SYTL2: variants seen among roughly 807,000 people sequenced by gnomAD.
SYTL2 encodes synaptotagmin like 2.
A neutral mutation model predicts 198.7 loss-of-function variants in SYTL2; 165 were observed. The observed-to-expected ratio is 0.83, with a 90% CI of 0.73 to 0.94. SYTL2 has a LOEUF of 0.94. SYTL2 is among the 40% of genes least tolerant of loss of function. The pLI, the probability that SYTL2 is intolerant of heterozygous loss-of-function variation, is 0.00. For synonymous variants in SYTL2, 966 were observed against 917.7 expected, an observed-to-expected ratio of 1.05 and a Z score of -0.95; for missense variants, 2,835 against 2,582.8, an observed-to-expected ratio of 1.10 and a Z score of -2.12.
the SYTL2 span, among the ~76,000 whole-genome samples, chr11:85,838,714 A>G: frequency 2.0e-5 from 3 of 152,164 alleles, no homozygotes; most frequent in South Asian, 2.1e-4. Flanking sequence ...TGACCCAAAC[A>G]CCTCCCACCA....
the SYTL2 span, among the ~76,000 whole-genome samples, chr11:85,832,833 A>C: frequency 1.8e-3 from 267 of 151,314 alleles, 1 homozygote; most frequent in Non-Finnish European, 2.8e-3. Context: ...ATCTACAAAA[A>C]AAAAAAATTT....
At position 85,734,336 on chromosome 11, in the gene SYTL2, C is replaced by G. The variant is rs557709961; in HGVS notation, c.993G>C (p.Lys331Asn). The G allele has an allele frequency of 5.6e-6, 9 of 1,614,116 alleles. No individual in the cohort carries two copies. The Admixed American group carries it at 1.3e-4, about 24-fold the overall frequency. Residue 331 changes from lysine (K) to asparagine (N), a missense_variant, in exon 7 of 20, where the codon AAG becomes AAC. Coordinates refer to ENST00000359152, the MANE Select transcript of SYTL2 (RefSeq NM_206927.4). ...CCTTCACTGCAGAGAATCTCACATG[C>G]TTTAATGGCTCCAGGGAGTTTGGGG... ...NSSPNSLEPL[K>N]HVRFSAVKDE...
chr11:85,798,125 C>T (rs1038847103), intron 1 of SYTL2, among the ~76,000 whole-genome samples: 5 of 151,984 alleles, frequency 3.3e-5, no homozygotes, highest in African/African-American at 9.7e-5. Context: ...TCCCAAAGTG[C>T]TGGGATTACA....
intron 9 of SYTL2, chr11:85,719,443 C>T: frequency 2.3e-6 from 1 of 441,882 alleles, no homozygotes; most frequent in Non-Finnish European, 3.0e-6. Flanking sequence ...TAAAGCTGCA[C>T]CATGGAAATA....
intron 1 of SYTL2, among the ~76,000 whole-genome samples, chr11:85,760,651 T>A (rs545722836): frequency 9.2e-5 from 14 of 152,200 alleles, no homozygotes; most frequent in African/African-American, 3.1e-4. Flanking sequence ...CAAGGAGTGG[T>A]GGACAGGAAG....
rs759734859 is a variant in SYTL2 at position 85,726,463 on chromosome 11, T to C, written c.2895A>G (p.Lys965=). The part of the protein sequence containing the change: ...SNANFKVMSL[K]ERMDEPNAEQ... ...CTGCATTGGGTTCATCCATTCTTTC[T>C]TTTAGGGACATAACTTTAAAGTTGG... The change falls in exon 8 of 20, where the codon AAA becomes AAG. Residue 965 remains lysine, a synonymous_variant. Transcript: ENST00000359152. 7 of 1,612,590 alleles carry C rather than the reference T, an allele frequency of 4.3e-6. No homozygotes were observed. In the Admixed American group the frequency reaches 6.7e-5, roughly 15 times the overall value.
At chr11:85,695,852 TG>T (rs2083333794) in intron 19 of SYTL2, among the ~76,000 whole-genome samples, 1 of 152,196 alleles carries the variant, frequency 6.6e-6, no homozygotes, top group South Asian at 2.1e-4. Context: ...GCTCCAAAAA[TG>T]TTATTGTTAT....
chr11:85,822,805 C>T, the SYTL2 span, among the ~76,000 whole-genome samples: 1 of 152,222 alleles, frequency 6.6e-6, no homozygotes, highest in Non-Finnish European at 1.5e-5. Context: ...GACGGACAAG[C>T]TGACAGGGAG....
intron 13 of SYTL2, among the ~76,000 whole-genome samples, chr11:85,710,791 C>G (rs1026515929): frequency 6.6e-6 from 1 of 152,150 alleles, no homozygotes; most frequent in Admixed American, 6.5e-5. Flanking sequence ...ATATCTGATA[C>G]AAGCAGATTT....
chr11:85,820,767 A>C, the SYTL2 span, among the ~76,000 whole-genome samples: 2 of 152,362 alleles, frequency 1.3e-5, no homozygotes, highest in South Asian at 2.1e-4. Context: ...AAAACGTTCT[A>C]CATCTTCATT....
At chr11:85,823,451 C>A in the SYTL2 span, among the ~76,000 whole-genome samples, 3 of 152,192 alleles carry the variant, frequency 2.0e-5, no homozygotes, top group Non-Finnish European at 4.4e-5. Context: ...TTACAAATTT[C>A]TAAGGCAAGA....
chr11:85,733,803 G>T (rs1001145288), intron 7 of SYTL2, 136 bp downstream of exon 7: 3 of 682,850 alleles, frequency 4.4e-6, no homozygotes, highest in African/African-American at 1.8e-5. Flanking sequence ...GTTTCACCTT[G>T]TTAGCCAGGA....
intron 2 of SYTL2, among the ~76,000 whole-genome samples, chr11:85,752,947 A>AAAAAC (rs1565984412): frequency 7.0e-5 from 10 of 142,744 alleles, no homozygotes; most frequent in African/African-American, 2.8e-4. Flanking sequence ...AAAAAAAAAA[A>AAAAAC]AAAACACAAC....
chr11:85,695,313 C>A lies in SYTL2; in HGVS notation c.6602G>T (p.Trp2201Leu), dbSNP rs200192789. 6.3e-7 allele frequency: 1 copy of A among 1,576,560 alleles called. No individual in the cohort carries two copies. Among genetic ancestry groups the A allele is most frequent in the Non-Finnish European group, 8.6e-7 (1 of 1,160,978 alleles). Residue 2201 changes from tryptophan (W) to leucine (L), a missense_variant, in exon 20 of 20, where the codon TGG (tryptophan) becomes TTG (leucine). Coordinates refer to ENST00000359152, the MANE Select transcript of SYTL2 (RefSeq NM_206927.4). ...AACTTCCTCTGAAGTAGAGTCCATC[C>A]AGTCCACTTCAGTCCCATAACTTTT... ...TGKSYGTEVDWMDSTSEEVAL... is the reference protein window; with the variant it reads ...TGKSYGTEVDLMDSTSEEVAL...
the SYTL2 span, among the ~76,000 whole-genome samples, chr11:85,852,058 T>C: frequency 6.6e-6 from 1 of 152,198 alleles, no homozygotes; most frequent in Non-Finnish European, 1.5e-5. Flanking sequence ...TTTTTGTATA[T>C]TTTACTGATG....
At chr11:85,711,605 T>C (rs976737507) in intron 12 of SYTL2, among the ~76,000 whole-genome samples, 9 of 152,180 alleles carry the variant, frequency 5.9e-5, no homozygotes, top group Non-Finnish European at 1.2e-4. Flanking sequence ...ACCCAGATAA[T>C]AAAAAGATTT....
At chr11:85,842,077 G>C in the SYTL2 span, among the ~76,000 whole-genome samples, 6 of 152,206 alleles carry the variant, frequency 3.9e-5, no homozygotes, top group African/African-American at 1.4e-4. Flanking sequence ...GAAGCAGAGA[G>C]ACATGGTCTA....
At chr11:85,824,507 A>G in the SYTL2 span, among the ~76,000 whole-genome samples, 1 of 152,212 alleles carries the variant, frequency 6.6e-6, no homozygotes, top group Non-Finnish European at 1.5e-5. Flanking sequence ...TCCCACTAAA[A>G]GTCACACTGA....
At chr11:85,738,992 T>C (rs1024590399) in intron 4 of SYTL2, among the ~76,000 whole-genome samples, 1 of 152,200 alleles carries the variant, frequency 6.6e-6, no homozygotes, top group Non-Finnish European at 1.5e-5. Flanking sequence ...ATGTAGTCCC[T>C]ACCTCCTAGA....
Sources: gnomAD v4.1 joint callset for allele counts (sites outside exome capture counted in the v4.1 genomes callset) on GRCh38, gnomAD v4.1.1 for gene constraint, MANE v1.5 for transcripts, NCBI Gene and HGNC (gene_info 2026-07-23, HGNC 2026-07-21) for gene names.